Variants in TBC1D5 observed in about 807,000 individuals in gnomAD.
TBC1D5 encodes the protein TBC1 domain family, member 5.
TBC1D5 carries 75 observed loss-of-function variants against 100.3 expected under a neutral mutation model. The ratio of observed to expected loss-of-function variants is 0.75; its 90% CI spans 0.62 to 0.91. The LOEUF is 0.91. Among genes scored for constraint, TBC1D5 ranks in the 40% least tolerant of loss-of-function variants. The probability of loss-of-function intolerance (pLI) is 0.00; values close to 1 mark genes in which losing one functional copy is unlikely to be tolerated. For missense variants in TBC1D5, 910 were observed against 942.4 expected (o/e 0.97, Z 0.45); for synonymous variants, 323 against 325.6 (o/e 0.99, Z 0.09).
At chr3:17,393,605 G>A (rs2093420431) in intron 8 of TBC1D5, among the ~76,000 whole-genome samples, 1 of 152,108 alleles carries the variant, frequency 6.6e-6, no homozygotes, top group Non-Finnish European at 1.5e-5. Flanking sequence ...AAAACAGCAT[G>A]GTACTGGTAC....
chr3:17,565,950 G>A (rs2096590907), intron 2 of TBC1D5, among the ~76,000 whole-genome samples: 1 of 151,792 alleles, frequency 6.6e-6, no homozygotes, highest in South Asian at 2.1e-4. Flanking sequence ...TAACATTATA[G>A]CACAATATTT....
chr3:17,706,265 C>T, intron 1 of TBC1D5: 3 of 1,548,240 alleles, frequency 1.9e-6, no homozygotes, highest in Non-Finnish European at 2.6e-6. Context: ...TCTTCACATA[C>T]TCAGCTCTAA....
chr3:17,654,540 T>C (rs1412931447), intron 1 of TBC1D5, among the ~76,000 whole-genome samples: 4 of 152,228 alleles, frequency 2.6e-5, no homozygotes, highest in Admixed American at 1.3e-4. Flanking sequence ...AGCTTTTTGA[T>C]GTGCTGCTGG....
intron 15 of TBC1D5, among the ~76,000 whole-genome samples, chr3:17,289,226 A>AT (rs1450710862): frequency 6.6e-6 from 1 of 152,138 alleles, no homozygotes; most frequent in African/African-American, 2.4e-5. Flanking sequence ...ACCCCCTCCC[A>AT]TTGGCAGCTG....
At chr3:17,246,035 C>A (rs2076709502) in intron 16 of TBC1D5, among the ~76,000 whole-genome samples, 1 of 151,874 alleles carries the variant, frequency 6.6e-6, no homozygotes. Context: ...CTTTGAGAAT[C>A]ACTATATGTC....
rs186349576 is a variant in TBC1D5 at position 17,656,922 on chromosome 3, C to T, written c.-100-33009G>A. 1.0e-3 allele frequency among the ~76,000 whole-genome samples: 157 copies of T among 152,124 alleles called. 2 individuals carry two copies. The South Asian group carries it at 0.018, about 18-fold the overall frequency. On this transcript the variant is annotated intron_variant, in intron 1 of 21. Coordinates refer to ENST00000253692, the Ensembl canonical transcript of TBC1D5. The stretch of plus-strand genomic sequence containing the variant: ...AATGAGGTACAGATTTGTCAAGGAG[C>T]GACAGGATGGCTGGCTCTCCAAAGG...
chr3:17,294,005 C>T (rs148124580), intron 14 of TBC1D5, among the ~76,000 whole-genome samples: 528 of 152,308 alleles, frequency 3.5e-3, no homozygotes, highest in Non-Finnish European at 5.1e-3. Flanking sequence ...AGATTGGAAA[C>T]CCAAAAGTCT....
chr3:17,591,249 AAAAAAAAAAAAAAAAAAC>A (rs1211671933), intron 2 of TBC1D5, among the ~76,000 whole-genome samples: 66 of 138,858 alleles, frequency 4.8e-4, no homozygotes, highest in African/African-American at 7.1e-4. Context: ...AAAAAAAAAA[AAAAAAAAAAAAAAAAAAC>A]AAAAACCCCA....
chr3:17,559,634 G>A (rs927293928), intron 2 of TBC1D5, among the ~76,000 whole-genome samples: 16 of 150,134 alleles, frequency 1.1e-4, no homozygotes, highest in South Asian at 2.1e-4. Flanking sequence ...CTGTTGCCCT[G>A]GCTGGAGTGC....
Position 17,703,927 on chromosome 3 carries a change from T to A in TBC1D5, c.-101+35416A>T, listed in dbSNP as rs866172104. Among the ~76,000 whole-genome samples, 398 of 140,738 alleles carry A rather than the reference T, an allele frequency of 2.8e-3. 1 individual carries two copies. Among genetic ancestry groups the A allele is most frequent in the African/African-American group, 9.2e-3 (356 of 38,650 alleles). 92.3% of individuals were successfully genotyped at this position (140,738 alleles called of 152,430 possible). ...TGTTTTTTTTTTGTTTTTTTTTTTT[T>A]AATTTATTTTTTTATTGATAATTCT... is the stretch of plus-strand genomic sequence containing the variant. On this transcript the variant is annotated intron_variant, in intron 1 of 21. Coordinates refer to ENST00000253692, the Ensembl canonical transcript of TBC1D5.
intron 15 of TBC1D5, among the ~76,000 whole-genome samples, chr3:17,286,915 TAA>T (rs2150053798): frequency 6.6e-6 from 1 of 152,342 alleles, no homozygotes; most frequent in East Asian, 1.9e-4. Flanking sequence ...AGAAGCTGGA[TAA>T]GACTGTCTAG....
chr3:17,453,487 C>G (rs1328351405), intron 3 of TBC1D5, among the ~76,000 whole-genome samples: 1 of 152,042 alleles, frequency 6.6e-6, no homozygotes, highest in East Asian at 1.9e-4. Context: ...ACAGATACCT[C>G]AGAAATTGAA....
At chr3:17,591,407 A>C (rs1469250724) in intron 2 of TBC1D5, among the ~76,000 whole-genome samples, 3 of 152,050 alleles carry the variant, frequency 2.0e-5, no homozygotes, top group Non-Finnish European at 4.4e-5. Flanking sequence ...TATGCAGTGA[A>C]TCTTTCTCAA....
At chr3:17,559,082 T>TTAAATAAACAAATAAATAAA (rs1553846954) in intron 2 of TBC1D5, among the ~76,000 whole-genome samples, 2 of 149,746 alleles carry the variant, frequency 1.3e-5, no homozygotes, top group African/African-American at 4.9e-5. Context: ...TCTCTTTCTC[T>TTAAATAAACAAATAAATAAA]TAAATAAATA....
chr3:17,668,065 C>A (rs1049726016), intron 1 of TBC1D5, among the ~76,000 whole-genome samples: 5 of 150,510 alleles, frequency 3.3e-5, no homozygotes, highest in Admixed American at 1.3e-4. Context: ...TGATTTAATT[C>A]TCCCTGTAAT....
Position 17,276,425 on chromosome 3 carries a change from G to A in TBC1D5, c.1245+15470C>T, listed in dbSNP as rs61341370. Reference sequence around the variant, plus strand: ...AAAAGTGAATGGGATCAACATGGGGGCATGAGGATGGATGTCAGTCTTGTA... The same window carrying A: ...AAAAGTGAATGGGATCAACATGGGGACATGAGGATGGATGTCAGTCTTGTA... On this transcript the variant is annotated intron_variant, in intron 15 of 21. Transcript: ENST00000253692. Among the ~76,000 whole-genome samples the A allele has an allele frequency of 9.7e-3, 1,483 of 152,296 alleles. 31 individuals are homozygous for A. Among genetic ancestry groups the A allele is most frequent in the African/African-American group, 0.035 (1,437 of 41,554 alleles).
intron 7 of TBC1D5, among the ~76,000 whole-genome samples, chr3:17,404,067 T>C (rs1254249793): frequency 2.6e-5 from 4 of 152,096 alleles, no homozygotes; most frequent in Non-Finnish European, 5.9e-5. Context: ...TTACTTAATA[T>C]TTTATGTTCT....
At chr3:17,554,049 A>G (rs2096495287) in intron 2 of TBC1D5, among the ~76,000 whole-genome samples, 1 of 152,196 alleles carries the variant, frequency 6.6e-6, no homozygotes, top group Non-Finnish European at 1.5e-5. Flanking sequence ...TACTATTTTT[A>G]GTCAACTTTC....
Position 17,342,765 on chromosome 3 carries a change from T to A in TBC1D5, c.995+29310A>T, listed in dbSNP as rs1385882769. Among the ~76,000 whole-genome samples, 2 of 152,168 alleles carry A rather than the reference T, an allele frequency of 1.3e-5. 1 individual carries two copies. On this transcript the variant is annotated intron_variant, in intron 13 of 21. Coordinates refer to ENST00000253692, the Ensembl canonical transcript of TBC1D5. ...TATGCACATATAATATATAAACAAA[T>A]TTACTTTATAATAAAAATATGACCA...
Sources: allele counts gnomAD v4.1 joint callset (sites outside exome capture counted in the v4.1 genomes callset), GRCh38; gene constraint gnomAD v4.1.1; transcripts MANE v1.5; gene names NCBI Gene and HGNC (gene_info 2026-07-23, HGNC 2026-07-21).